Variants in PLXNA2 observed in about 807,000 individuals in gnomAD.
PLXNA2 encodes the protein plexin A2.
Under a neutral mutation model 193.5 loss-of-function variants are expected in PLXNA2, and 91 were observed. That is an observed-to-expected ratio of 0.47 (90% confidence interval 0.40 to 0.56). The LOEUF (loss-of-function observed/expected upper bound fraction) is 0.56. PLXNA2 is among the 20% of genes least tolerant of loss of function. The pLI is 0.00. For missense variants in PLXNA2, 1,995 were observed against 2,503.2 expected (o/e 0.80, Z 4.33); for synonymous variants, 997 against 1,027.3 (o/e 0.97, Z 0.56).
chr1:208,119,259 G>T (rs1445147348), intron 4 of PLXNA2, among the ~76,000 whole-genome samples: 1 of 152,184 alleles, frequency 6.6e-6, no homozygotes, highest in Non-Finnish European at 1.5e-5. Flanking sequence ...GGAAGAAGTG[G>T]CAGGAGATAT....
intron 3 of PLXNA2, among the ~76,000 whole-genome samples, chr1:208,152,838 T>G (rs1668813875): frequency 6.6e-6 from 1 of 151,684 alleles, no homozygotes; most frequent in Non-Finnish European, 1.5e-5. Context: ...CTTTTTCGTC[T>G]TCACGCCTTT....
At chr1:208,043,251 G>T in intron 20 of PLXNA2, 48 bp from the exon 21 acceptor site, 1 of 1,595,142 alleles carries the variant, frequency 6.3e-7, no homozygotes, top group South Asian at 1.1e-5. Context: ...CCCCAGTCGG[G>T]GGAGGAGAAA....
chr1:208,118,186 G>T (rs1004442382), intron 4 of PLXNA2, among the ~76,000 whole-genome samples: 15 of 152,142 alleles, frequency 9.9e-5, no homozygotes, highest in Non-Finnish European at 1.9e-4. Context: ...TCACTATCAG[G>T]CTTATTGCAT....
rs1056251435 is a variant in PLXNA2, at chr1:208,244,341, G to T, written c.-779C>A. 3.5e-5 allele frequency: 7 copies of T among 200,076 alleles called. No homozygotes were observed. Among genetic ancestry groups the T allele is most frequent in the Admixed American group, 1.3e-4 (2 of 15,868 alleles). 12.4% of individuals were successfully genotyped at this position (200,076 alleles called of 1,614,324 possible). ...CGGCGGCGGCGGCGGCGGCGGAGGA[G>T]CCCTGAGCGCCGGCCTCCCTATTTC... On this transcript the variant is annotated 5_prime_UTR_variant, in exon 1 of 32. Coordinates refer to ENST00000367033, the MANE Select transcript of PLXNA2 (RefSeq NM_025179.4).
chr1:208,204,923 C>T (rs777107020), intron 3 of PLXNA2, among the ~76,000 whole-genome samples: 18 of 152,274 alleles, frequency 1.2e-4, no homozygotes, highest in Non-Finnish European at 2.2e-4. Context: ...AGAGAGCCAG[C>T]AGCATCTGCT....
chr1:208,037,511 C>T (rs556506077), intron 26 of PLXNA2, among the ~76,000 whole-genome samples: 8 of 152,280 alleles, frequency 5.3e-5, no homozygotes, highest in Non-Finnish European at 1.0e-4. Context: ...ATTAATCAGA[C>T]GATCCCACGG....
chr1:208,201,973 A>ATTTTTT (rs59313982), intron 3 of PLXNA2, among the ~76,000 whole-genome samples: 15 of 132,628 alleles, frequency 1.1e-4, no homozygotes, highest in Non-Finnish European at 1.1e-4. Flanking sequence ...CAGGGCAAGA[A>ATTTTTT]TTTTTTTTTT....
chr1:208,046,197 C>T (rs1665058737), intron 17 of PLXNA2, 80 bp from the exon 18 acceptor site: 16 of 1,488,966 alleles, frequency 1.1e-5, no homozygotes, highest in Non-Finnish European at 1.4e-5. Flanking sequence ...CTCCCACCCT[C>T]TCTCTGCTTT....
At chr1:208,208,809 A>T (rs1205834869) in intron 3 of PLXNA2, among the ~76,000 whole-genome samples, 3 of 152,142 alleles carry the variant, frequency 2.0e-5, no homozygotes, top group Non-Finnish European at 2.9e-5. Context: ...TGACAGGGAG[A>T]GCTCAGGCTG....
At chr1:208,123,974 A>G (rs1226490202) in intron 4 of PLXNA2, among the ~76,000 whole-genome samples, 2 of 152,224 alleles carry the variant, frequency 1.3e-5, no homozygotes, top group African/African-American at 4.8e-5. Flanking sequence ...GAGAGAAACT[A>G]TTTAAAGCCT....
intron 3 of PLXNA2, among the ~76,000 whole-genome samples, chr1:208,182,262 A>G (rs1050270611): frequency 4.6e-5 from 7 of 152,062 alleles, no homozygotes; most frequent in African/African-American, 2.4e-5. Context: ...GTGAAACCCC[A>G]TCTCTACTAA....
chr1:208,055,161 A>G (rs1294176590), intron 13 of PLXNA2, among the ~76,000 whole-genome samples: 1 of 152,146 alleles, frequency 6.6e-6, no homozygotes, highest in Non-Finnish European at 1.5e-5. Context: ...AGCAGGTGAC[A>G]CTGGCCTCTC....
rs1031332960 is a variant in PLXNA2 at position 208,056,254 on chromosome 1, G to T, written c.2739-1716C>A. Among the ~76,000 whole-genome samples, 4 of 152,202 alleles carry T rather than the reference G, an allele frequency of 2.6e-5. No homozygotes were observed. In the East Asian group the frequency reaches 5.8e-4, roughly 22 times the overall value. ...GAATCAACTAGCTATTGTGGGCAGT[G>T]CTGGGGAAGACAAAGGAAGAGAACA... On this transcript the variant is annotated intron_variant, in intron 13 of 31. Coordinates refer to ENST00000367033, the MANE Select transcript of PLXNA2 (RefSeq NM_025179.4).
intron 4 of PLXNA2, among the ~76,000 whole-genome samples, chr1:208,139,261 C>T (rs781126872): frequency 6.6e-6 from 1 of 152,102 alleles, no homozygotes; most frequent in Non-Finnish European, 1.5e-5. Flanking sequence ...AACTGAGACT[C>T]TGAGAAGTTG....
chr1:208,027,167 C>T lies in PLXNA2; in HGVS notation c.*76G>A, dbSNP rs1039016642. The T allele has an allele frequency of 1.1e-5, 14 of 1,306,960 alleles. No individual in the cohort carries two copies. In the African/African-American group the frequency reaches 1.4e-4, roughly 13 times the overall value. 81.0% of individuals were successfully genotyped at this position (1,306,960 alleles called of 1,614,324 possible). ...AAGCTCTGGGGCCTGATCCCCATCA[C>T]TTGTCCTTCCATCTGAGACTCCCAG... On this transcript the variant is annotated 3_prime_UTR_variant, in exon 32 of 32. Transcript: ENST00000367033.
At position 208,023,649 on chromosome 1, in the gene PLXNA2, G is replaced by A. The variant is rs1034545105; in HGVS notation, c.*3594C>T. 2.0e-5 allele frequency: 3 copies of A among 152,588 alleles called. No individual in the cohort carries two copies. The highest frequency in any genetic ancestry group is 7.2e-5 in the African/African-American group (3 of 41,448). 9.5% of individuals were successfully genotyped at this position (152,588 alleles called of 1,614,324 possible). On this transcript the variant is annotated 3_prime_UTR_variant, in exon 32 of 32. Coordinates refer to ENST00000367033, the MANE Select transcript of PLXNA2 (RefSeq NM_025179.4). The stretch of plus-strand genomic sequence containing the variant: ...CTGGGTTGGTCTGCTTTCTTCCTTT[G>A]CTGGACCACTTTTCCTACAAAACTG...
chr1:208,031,824 A>G, intron 28 of PLXNA2, 65 bp from the exon 29 acceptor site: 1 of 1,389,562 alleles, frequency 7.2e-7, no homozygotes, highest in Non-Finnish European at 1.0e-6. Flanking sequence ...CAGGCATACC[A>G]GATGGTGCCT....
At position 208,044,925 on chromosome 1, in the gene PLXNA2, C is replaced by A. The variant is rs1571856790; in HGVS notation, c.3639+142G>T. ...CTTTTCTTGTGTTCTCAGCTTATACCCAATTTGATGTAGGACCCAGAGATG... is the reference window on the plus strand; with the variant it reads ...CTTTTCTTGTGTTCTCAGCTTATACACAATTTGATGTAGGACCCAGAGATG... On this transcript the variant is annotated intron_variant, in intron 19 of 31. Transcript: ENST00000367033. The surrounding 1 kb of genome is among the most constrained non-coding windows in gnomAD (Gnocchi z 4.9). The A allele has an allele frequency of 1.8e-6, 2 of 1,138,850 alleles. No individual in the cohort carries two copies. Among genetic ancestry groups the A allele is most frequent in the South Asian group, 2.9e-5 (2 of 69,652 alleles). The allele number at this position is 1,138,850 out of a possible 1,614,324, so 70.5% of individuals were successfully genotyped here.
chr1:208,234,029 G>A (rs1274655571), intron 1 of PLXNA2, among the ~76,000 whole-genome samples: 1 of 152,182 alleles, frequency 6.6e-6, no homozygotes, highest in Non-Finnish European at 1.5e-5. Flanking sequence ...ATGCCTGTCT[G>A]CTCTAAACCA....
Sources: gnomAD v4.1 joint callset for allele counts (sites outside exome capture counted in the v4.1 genomes callset) on GRCh38, gnomAD v4.1.1 for gene constraint, Gnocchi (gnomAD v3.1) non-coding constraint, MANE v1.5 for transcripts, NCBI Gene and HGNC (gene_info 2026-07-23, HGNC 2026-07-21) for gene names.